CACNA2D3: variants seen among roughly 807,000 people sequenced by gnomAD.
CACNA2D3 encodes the protein voltage-dependent calcium channel subunit alpha-2/delta-3.
In CACNA2D3, 60 loss-of-function variants were observed where a neutral mutation model predicts 160.6. The ratio of observed to expected loss-of-function variants is 0.37; its 90% CI spans 0.30 to 0.46. The LOEUF (loss-of-function observed/expected upper bound fraction) is 0.46, where lower values mean the gene tolerates loss of function less well. Among genes scored for constraint, CACNA2D3 ranks in the 20% least tolerant of loss-of-function variants. The probability of loss-of-function intolerance (pLI) is 1.00; values close to 1 mark genes in which losing one functional copy is unlikely to be tolerated. For synonymous variants in CACNA2D3, 558 were observed against 492.9 expected, an observed-to-expected ratio of 1.13 and a Z score of -1.75; for missense variants, 1,205 against 1,365.0, an observed-to-expected ratio of 0.88 and a Z score of 1.85.
At chr3:54,811,465 C>CTTTTTTTTTTTTTTTTTT (rs71096451) in intron 13 of CACNA2D3, among the ~76,000 whole-genome samples, 5 of 111,618 alleles carry the variant, frequency 4.5e-5, no homozygotes, top group East Asian at 3.0e-4. Flanking sequence ...TCCCTCAGTT[C>CTTTTTTTTTTTTTTTTTT]TTTTTTTTTT....
rs190613733 is a variant in CACNA2D3, at chr3:54,444,650, C to G, written c.381+57876C>G. Among the ~76,000 whole-genome samples, 22 of 152,126 alleles carry G rather than the reference C, an allele frequency of 1.4e-4. No individual in the cohort carries two copies. In the East Asian group the frequency reaches 4.1e-3, roughly 28 times the overall value. On this transcript the variant is annotated intron_variant, in intron 4 of 37. Transcript: ENST00000474759. ...AGGGCCATATCATGTCAAACATCTCCTCTCTAGAGGCACACTCAGAGCTGC... is the reference window on the plus strand; with the variant it reads ...AGGGCCATATCATGTCAAACATCTCGTCTCTAGAGGCACACTCAGAGCTGC...
chr3:54,779,607 TG>T (rs1702494192), intron 13 of CACNA2D3, among the ~76,000 whole-genome samples: 1 of 152,214 alleles, frequency 6.6e-6, no homozygotes, highest in Non-Finnish European at 1.5e-5. Flanking sequence ...TCAGCTGTGC[TG>T]GTCACCTTTT....
intron 6 of CACNA2D3, among the ~76,000 whole-genome samples, chr3:54,565,231 G>A (rs373564852): frequency 9.9e-5 from 15 of 152,252 alleles, no homozygotes; most frequent in African/African-American, 3.1e-4. Context: ...CAAAGGAGGG[G>A]GCATCAGTGA....
chr3:54,338,467 CTGTGTGTGTGTGTGTGTGTGTGTG>C (rs71074965), intron 3 of CACNA2D3, among the ~76,000 whole-genome samples: 14 of 136,438 alleles, frequency 1.0e-4, no homozygotes, highest in Admixed American at 4.5e-4. Flanking sequence ...TCTCCCCTCC[CTGTGTGTGTGTGTGTGTGTGTGTG>C]TGTGTGTGTG....
intron 4 of CACNA2D3, among the ~76,000 whole-genome samples, chr3:54,490,423 G>A (rs1015627468): frequency 6.6e-6 from 1 of 152,246 alleles, no homozygotes; most frequent in Non-Finnish European, 1.5e-5. Context: ...CCAGGCAGAG[G>A]AAGGTGTCAA....
intron 5 of CACNA2D3, among the ~76,000 whole-genome samples, chr3:54,540,099 T>C (rs1283034968): frequency 1.3e-5 from 2 of 152,010 alleles, no homozygotes; most frequent in Admixed American, 1.3e-4. Context: ...CCTCATCTCC[T>C]CTAATCAAGT....
chr3:54,921,098 C>T (rs1700836186), intron 27 of CACNA2D3, among the ~76,000 whole-genome samples: 1 of 152,146 alleles, frequency 6.6e-6, no homozygotes, highest in South Asian at 2.1e-4. Flanking sequence ...CTTGAGGGTC[C>T]CACATCCTTC....
At chr3:54,963,444 C>T (rs1326603063) in intron 27 of CACNA2D3, among the ~76,000 whole-genome samples, 8 of 152,342 alleles carry the variant, frequency 5.3e-5, no homozygotes, top group Non-Finnish European at 7.3e-5. Flanking sequence ...TAGCCTCTAG[C>T]ACCCTGTGGC....
At chr3:54,980,353 T>C (rs1185323594) in intron 29 of CACNA2D3, among the ~76,000 whole-genome samples, 1 of 152,200 alleles carries the variant, frequency 6.6e-6, no homozygotes, top group Non-Finnish European at 1.5e-5. Context: ...CCTCTTTAAC[T>C]TTAGTCAATG....
intron 5 of CACNA2D3, among the ~76,000 whole-genome samples, chr3:54,516,911 G>A: frequency 6.6e-6 from 1 of 152,204 alleles, no homozygotes; most frequent in East Asian, 1.9e-4. Context: ...TGTCTGTTGG[G>A]TCTGCAGGCT....
chr3:54,856,448 T>C (rs1485936923), intron 17 of CACNA2D3, among the ~76,000 whole-genome samples: 2 of 152,074 alleles, frequency 1.3e-5, no homozygotes, highest in African/African-American at 4.8e-5. Flanking sequence ...TCCCTTCCTT[T>C]TTCCTCCCAT....
At chr3:54,510,915 G>A (rs962365673) in intron 5 of CACNA2D3, among the ~76,000 whole-genome samples, 6 of 152,176 alleles carry the variant, frequency 3.9e-5, no homozygotes, top group African/African-American at 1.4e-4. Context: ...CCAAAAATAT[G>A]TAGGGGATGC....
chr3:54,585,606 A>G (rs751854252), intron 9 of CACNA2D3, among the ~76,000 whole-genome samples: 2 of 151,218 alleles, frequency 1.3e-5, no homozygotes, highest in Non-Finnish European at 2.9e-5. Context: ...AGGCCTCACA[A>G]TCATGGCAGA....
chr3:54,896,656 C>G (rs1700195681), intron 25 of CACNA2D3, 93 bp from the exon 26 acceptor site: 2 of 1,502,086 alleles, frequency 1.3e-6, no homozygotes, highest in African/African-American at 1.4e-5. Flanking sequence ...AAAGTGAACA[C>G]TGGTTTTACC....
At chr3:54,570,196 A>G in intron 8 of CACNA2D3, 92 bp downstream of exon 8, 1 of 1,315,892 alleles carries the variant, frequency 7.6e-7, no homozygotes, top group Non-Finnish European at 1.1e-6. Flanking sequence ...TTAGATCCAG[A>G]GCATCTAGAT....
intron 2 of CACNA2D3, among the ~76,000 whole-genome samples, chr3:54,318,178 C>T (rs571486816): frequency 6.6e-6 from 1 of 152,242 alleles, no homozygotes; most frequent in African/African-American, 2.4e-5. Flanking sequence ...AGGACCTGTC[C>T]TTGCTTCCAG....
At chr3:54,252,830 G>A (rs1167669686) in intron 2 of CACNA2D3, among the ~76,000 whole-genome samples, 5 of 152,116 alleles carry the variant, frequency 3.3e-5, no homozygotes, top group Non-Finnish European at 2.9e-5. Flanking sequence ...TGTTGAGGCC[G>A]GGAAGTAGAG....
chr3:54,569,886 C>T lies in CACNA2D3; in HGVS notation c.737+31C>T, dbSNP rs775712611. On this transcript the variant is annotated intron_variant, in intron 7 of 37. Coordinates refer to ENST00000474759, the MANE Select transcript of CACNA2D3 (RefSeq NM_018398.3). ...CAGTGGTCAGACCTCTTTGTTATTT[C>T]TCAAAGAGATATCTTGAAGAGAAGT... 5 of 1,610,508 alleles carry T rather than the reference C, an allele frequency of 3.1e-6. No homozygotes were observed. The Admixed American group carries it at 8.4e-5, about 27-fold the overall frequency.
chr3:54,202,404 A>C (rs943218257), intron 2 of CACNA2D3, among the ~76,000 whole-genome samples: 1 of 152,226 alleles, frequency 6.6e-6, no homozygotes, highest in African/African-American at 2.4e-5. Context: ...TCCAGCCCCA[A>C]GTCCCAGTTA....
Sources: allele counts gnomAD v4.1 joint callset (sites outside exome capture counted in the v4.1 genomes callset), GRCh38; gene constraint gnomAD v4.1.1; transcripts MANE v1.5; gene names NCBI Gene and HGNC (gene_info 2026-07-23, HGNC 2026-07-21).